Variants in BATF3 observed in about 807,000 individuals in gnomAD.
The protein encoded by BATF3 is basic leucine zipper ATF-like transcription factor 3.
BATF3 carries 8 observed loss-of-function variants against 16.1 expected under a neutral mutation model. The observed-to-expected ratio is 0.50, with a 90% CI of 0.29 to 0.90. The LOEUF (loss-of-function observed/expected upper bound fraction) is 0.90. BATF3 is among the 40% of genes least tolerant of loss of function. BATF3 has a pLI of 0.08. For missense variants in BATF3, 139 were observed against 167.0 expected, an observed-to-expected ratio of 0.83 and a Z score of 0.92; for synonymous variants, 74 against 72.7, an observed-to-expected ratio of 1.02 and a Z score of -0.09.
chr1:212,689,840 T>C lies in BATF3; in HGVS notation c.196-2861A>G, dbSNP rs939592524. Among the ~76,000 whole-genome samples the C allele has an allele frequency of 5.5e-5, 8 of 145,752 alleles. No homozygotes were observed. The highest frequency in any genetic ancestry group is 2.1e-4 in the African/African-American group (8 of 38,690). Reference sequence around the variant, plus strand: ...ACACACTCTCACACACACACACTCATACACAACCACAGACACACACACAGA... The same window carrying C: ...ACACACTCTCACACACACACACTCACACACAACCACAGACACACACACAGA... On this transcript the variant is annotated intron_variant, in intron 2 of 2. Transcript: ENST00000243440. The surrounding 1 kb of genome is among the most constrained non-coding windows in gnomAD (Gnocchi z 4.6).
intron 2 of BATF3, among the ~76,000 whole-genome samples, chr1:212,691,160 C>A (rs1656990168): frequency 6.6e-6 from 1 of 152,020 alleles, no homozygotes; most frequent in South Asian, 2.1e-4. Flanking sequence ...GTCCAGGATG[C>A]CTCTGAGGCT....
chr1:212,696,423 GGTGTGT>G (rs139095900), intron 2 of BATF3, among the ~76,000 whole-genome samples: 15 of 148,588 alleles, frequency 1.0e-4, no homozygotes, highest in South Asian at 4.3e-4. Context: ...GTTTCTGTAG[GGTGTGT>G]GTGTGTGTGT....
Position 212,686,654 on chromosome 1 carries a change from A to G in BATF3, c.*137T>C. 1 of 1,387,770 alleles carries G rather than the reference A, an allele frequency of 7.2e-7. No individual in the cohort carries two copies. The highest frequency in any genetic ancestry group is 9.5e-7 in the Non-Finnish European group (1 of 1,054,228). 86.0% of individuals were successfully genotyped at this position (1,387,770 alleles called of 1,614,324 possible). The stretch of plus-strand genomic sequence containing the variant: ...GGGCTGAGCCCAGTCTGCAGGGAAC[A>G]CAGCTGGCTGGTCCTGGAGCTCCCA... On this transcript the variant is annotated 3_prime_UTR_variant, in exon 3 of 3. Coordinates refer to ENST00000243440, the MANE Select transcript of BATF3 (RefSeq NM_018664.3).
intron 2 of BATF3, among the ~76,000 whole-genome samples, chr1:212,691,998 T>C (rs937773796): frequency 6.6e-6 from 1 of 152,236 alleles, no homozygotes; most frequent in African/African-American, 2.4e-5. Context: ...AGACACACGT[T>C]AAGAACTGCT....
chr1:212,694,087 G>A (rs1277808457), intron 2 of BATF3, among the ~76,000 whole-genome samples: 1 of 152,196 alleles, frequency 6.6e-6, no homozygotes, highest in African/African-American at 2.4e-5. Flanking sequence ...CAGCACCAGA[G>A]TAACGCAGCC....
rs1398403998 is a variant in BATF3 at position 212,696,901 on chromosome 1, C to G, written c.195+60G>C. On this transcript the variant is annotated intron_variant, in intron 2 of 2. Transcript: ENST00000243440. ...ATAAAGAGAACAGTCATCACCCCCA[C>G]TCCCGTGCAAGGCAGAGGCTGTGTG... 7.8e-6 allele frequency: 10 copies of G among 1,282,006 alleles called. No homozygotes were observed. In the Admixed American group the frequency reaches 1.7e-4, roughly 22 times the overall value. The allele number at this position is 1,282,006 out of a possible 1,614,324, so 79.4% of individuals were successfully genotyped here.
chr1:212,686,762 C>A lies in BATF3; in HGVS notation c.*29G>T. On this transcript the variant is annotated 3_prime_UTR_variant, in exon 3 of 3. Transcript: ENST00000243440. ...CCCAGGTATGAAAATGACCAAGGCT[C>A]CTTGCTGGGCAGAGGAGTGTCCCCG... 1 of 1,593,304 alleles carries A rather than the reference C, an allele frequency of 6.3e-7. No individual in the cohort carries two copies. Among genetic ancestry groups the A allele is most frequent in the South Asian group, 1.1e-5 (1 of 90,670 alleles).
At chr1:212,694,611 T>C (rs754393491) in intron 2 of BATF3, among the ~76,000 whole-genome samples, 7 of 152,248 alleles carry the variant, frequency 4.6e-5, no homozygotes, top group East Asian at 1.9e-4. Context: ...TCAGGAGTAA[T>C]GCCTTGGCCA....
chr1:212,687,342 C>A (rs1042109038), intron 2 of BATF3: 1 of 249,382 alleles, frequency 4.0e-6, no homozygotes, highest in Admixed American at 4.7e-5. Flanking sequence ...TTCCGAAGAT[C>A]TCTATTGGGT....
chr1:212,699,697 C>A lies in BATF3; in HGVS notation c.66G>T (p.Gln22His), dbSNP rs1185890628. ...CCTGCTGCTGCGGCTGCGGCTGCGG[C>A]TGGTTCCCGGGCGCCGCGACGCTCC... is the stretch of plus-strand genomic sequence containing the variant. ...LQRSVAAPGN[Q>H]PQPQPQQQSP... The change falls in exon 1 of 3, where the codon CAG (glutamine) becomes CAT (histidine). Residue 22 changes from glutamine (Q) to histidine (H), a missense_variant. Gln to His is a conservative substitution (Grantham distance 24, BLOSUM62 0). Coordinates refer to ENST00000243440, the MANE Select transcript of BATF3 (RefSeq NM_018664.3). The surrounding 1 kb of genome is among the most constrained non-coding windows in gnomAD (Gnocchi z 4.4). 46 of 1,351,372 alleles carry A rather than the reference C, an allele frequency of 3.4e-5. No homozygotes were observed. In the East Asian group the frequency reaches 1.4e-3, roughly 41 times the overall value. 83.7% of individuals were successfully genotyped at this position (1,351,372 alleles called of 1,614,324 possible). A position where few individuals can be genotyped will look rare whatever the true frequency, so the allele number is the denominator to read the frequency against.
chr1:212,696,938 G>A (rs1380547495), intron 2 of BATF3, 23 bp downstream of exon 2: 1 of 1,593,272 alleles, frequency 6.3e-7, no homozygotes, highest in Admixed American at 1.7e-5. Context: ...CTCTAAGGTG[G>A]CTTGCCCCTA....
At chr1:212,688,070 A>C (rs1353184691) in intron 2 of BATF3, among the ~76,000 whole-genome samples, 2 of 151,956 alleles carry the variant, frequency 1.3e-5, no homozygotes, top group African/African-American at 2.4e-5. Flanking sequence ...GAAAAGAAAA[A>C]AAAAAAGAAA....
rs1657229881 is a variant in BATF3, at chr1:212,699,773, C to T, written c.-11G>A. On this transcript the variant is annotated 5_prime_UTR_variant, in exon 1 of 3. Transcript: ENST00000243440. This position sits in a 1 kb window ranked among gnomAD's most constrained non-coding sequence, Gnocchi z 4.4. ...GAGCCCTTGCGACATGCCGGGCGCTCCTCTGGCCCGGCCCGCCCCGCCCCG... is the reference window on the plus strand; with the variant it reads ...GAGCCCTTGCGACATGCCGGGCGCTTCTCTGGCCCGGCCCGCCCCGCCCCG... 8.1e-7 allele frequency: 1 copy of T among 1,238,608 alleles called. No individual in the cohort carries two copies. Among genetic ancestry groups the T allele is most frequent in the Non-Finnish European group, 1.0e-6 (1 of 988,548 alleles). The allele number at this position is 1,238,608 out of a possible 1,614,324, so 76.7% of individuals were successfully genotyped here.
Position 212,689,731 on chromosome 1 carries a change from A to G in BATF3, c.196-2752T>C, listed in dbSNP as rs530817825. On this transcript the variant is annotated intron_variant, in intron 2 of 2. Coordinates refer to ENST00000243440, the MANE Select transcript of BATF3 (RefSeq NM_018664.3). This position sits in a 1 kb window ranked among gnomAD's most constrained non-coding sequence, Gnocchi z 4.6. ...CACTCACACACTCTCATACACATTC[A>G]CACACTCTTACACACATACACATAT... Among the ~76,000 whole-genome samples, 6 of 151,530 alleles carry G rather than the reference A, an allele frequency of 4.0e-5. No individual in the cohort carries two copies. In the East Asian group the frequency reaches 1.2e-3, roughly 29 times the overall value.
chr1:212,691,941 G>A (rs949655375), intron 2 of BATF3, among the ~76,000 whole-genome samples: 3 of 152,206 alleles, frequency 2.0e-5, no homozygotes, highest in African/African-American at 7.2e-5. Flanking sequence ...AGGTGTGAGC[G>A]GGTTGAAGGG....
rs57901499 is a variant in BATF3, at chr1:212,699,256, A to ACC, written c.90+415_90+416dup. 0.013 allele frequency among the ~76,000 whole-genome samples: 1,910 copies of ACC among 151,110 alleles called. 24 individuals carry two copies. The highest frequency in any genetic ancestry group is 0.039 in the African/African-American group (1,593 of 41,184). ...CGGCGTTCTCCATTCCCGCGGCAGC[A>ACC]CCCCCCCCACCCGGGGGAATCCTGG... On this transcript the variant is annotated intron_variant, in intron 1 of 2. Transcript: ENST00000243440. The surrounding 1 kb of genome is among the most constrained non-coding windows in gnomAD (Gnocchi z 4.4).
chr1:212,696,886 C>G, intron 2 of BATF3, 75 bp downstream of exon 2: 1 of 1,062,378 alleles, frequency 9.4e-7, no homozygotes, highest in Admixed American at 1.8e-5. Flanking sequence ...ATAAAGAGAA[C>G]AGTCATCACC....
At chr1:212,694,107 C>T (rs1449560659) in intron 2 of BATF3, among the ~76,000 whole-genome samples, 8 of 152,154 alleles carry the variant, frequency 5.3e-5, no homozygotes, top group South Asian at 4.1e-4. Context: ...CTGAGAAAAA[C>T]GCAACCGGCC....
rs1656855298 is a variant in BATF3, at chr1:212,686,619, G to A, written c.*172C>T. The A allele has an allele frequency of 8.7e-7, 1 of 1,150,698 alleles. No homozygotes were observed. The highest frequency in any genetic ancestry group is 1.2e-6 in the Non-Finnish European group (1 of 843,796). 71.3% of individuals were successfully genotyped at this position (1,150,698 alleles called of 1,614,324 possible). A position where few individuals can be genotyped will look rare whatever the true frequency, so the allele number is the denominator to read the frequency against. ...CAAGGGCTCTGTGAGTTTGGCGCCT[G>A]TTGGATGTCGGGCTGAGCCCAGTCT... On this transcript the variant is annotated 3_prime_UTR_variant, in exon 3 of 3. Transcript: ENST00000243440.
Sources: allele counts gnomAD v4.1 joint callset (sites outside exome capture counted in the v4.1 genomes callset), GRCh38; gene constraint gnomAD v4.1.1; non-coding constraint Gnocchi (gnomAD v3.1); transcripts MANE v1.5; gene names NCBI Gene and HGNC (gene_info 2026-07-23, HGNC 2026-07-21).